The following TTC28 variants were observed in gnomAD, a reference collection of about 807,000 sequenced individuals.
The protein encoded by TTC28 is tetratricopeptide repeat protein 28.
A neutral mutation model predicts 198.0 loss-of-function variants in TTC28; 61 were observed. The observed-to-expected ratio is 0.31, with a 90% confidence interval of 0.25 to 0.38. The LOEUF (loss-of-function observed/expected upper bound fraction) is 0.38. TTC28 is among the 10% of genes least tolerant of loss of function. The probability of loss-of-function intolerance (pLI) is 1.00; values close to 1 mark genes in which losing one functional copy is unlikely to be tolerated. For synonymous variants in TTC28, 1,171 were observed against 1,297.8 expected, an observed-to-expected ratio of 0.90 and a Z score of 2.10; for missense variants, 2,678 against 3,164.0, an observed-to-expected ratio of 0.85 and a Z score of 3.69.
intron 12 of TTC28, among the ~76,000 whole-genome samples, chr22:28,074,798 G>A (rs1176480416): frequency 1.3e-5 from 2 of 152,144 alleles, no homozygotes; most frequent in African/African-American, 4.8e-5. Context: ...CAAGAGCTCT[G>A]CTTTTAAAAA....
intron 12 of TTC28, among the ~76,000 whole-genome samples, chr22:28,056,675 G>T (rs924098701): frequency 6.6e-6 from 1 of 151,986 alleles, no homozygotes; most frequent in East Asian, 1.9e-4. Flanking sequence ...AAAATGAATT[G>T]CACAAATCTT....
At chr22:28,594,342 C>T (rs2146100692) in intron 2 of TTC28, among the ~76,000 whole-genome samples, 1 of 150,894 alleles carries the variant, frequency 6.6e-6, no homozygotes, top group South Asian at 2.1e-4. Context: ...GCCACTAACC[C>T]TAATTCTGTC....
chr22:28,557,813 C>T (rs1302021278), intron 2 of TTC28, among the ~76,000 whole-genome samples: 1 of 152,132 alleles, frequency 6.6e-6, no homozygotes, highest in South Asian at 2.1e-4. Context: ...TTTGCTTCTT[C>T]CAGGAACTAT....
intron 5 of TTC28, among the ~76,000 whole-genome samples, chr22:28,260,359 C>T (rs942065647): frequency 6.6e-6 from 1 of 152,078 alleles, no homozygotes; most frequent in Non-Finnish European, 1.5e-5. Context: ...TTTTAACCAT[C>T]TAGAAAAGAA....
chr22:28,585,882 T>C (rs2050307935), intron 2 of TTC28, among the ~76,000 whole-genome samples: 2 of 151,850 alleles, frequency 1.3e-5, no homozygotes, highest in Non-Finnish European at 2.9e-5. Context: ...ATGTAGATGA[T>C]GGATTGATGG....
At chr22:28,074,692 CATCA>C (rs1941109436) in intron 12 of TTC28, among the ~76,000 whole-genome samples, 2 of 152,174 alleles carry the variant, frequency 1.3e-5, no homozygotes, top group South Asian at 4.1e-4. Flanking sequence ...TTTTTCCCCA[CATCA>C]ATGTGGTCTG....
intron 2 of TTC28, among the ~76,000 whole-genome samples, chr22:28,478,328 C>T (rs970051139): frequency 7.2e-5 from 11 of 152,012 alleles, no homozygotes; most frequent in Admixed American, 2.6e-4. Flanking sequence ...GCCAACACGG[C>T]GAAACCCCAC....
intron 5 of TTC28, among the ~76,000 whole-genome samples, chr22:28,214,932 C>T (rs533711142): frequency 1.3e-5 from 2 of 152,286 alleles, no homozygotes; most frequent in East Asian, 3.9e-4. Flanking sequence ...CACATATATA[C>T]CATGGAATAC....
chr22:28,359,502 T>C (rs1404979207), intron 2 of TTC28, among the ~76,000 whole-genome samples: 1 of 152,214 alleles, frequency 6.6e-6, no homozygotes, highest in Non-Finnish European at 1.5e-5. Flanking sequence ...ACATATTTTA[T>C]TGAAGTTAGA....
In TTC28 at chr22:28,296,343, GAAAAAAAAAAA is replaced by G; in HGVS notation, c.803-26_803-16del. The G allele has an allele frequency of 8.7e-7, 1 of 1,145,694 alleles. No homozygotes were observed. The highest frequency in any genetic ancestry group is 1.2e-6 in the Non-Finnish European group (1 of 869,180). 71.0% of individuals were successfully genotyped at this position (1,145,694 alleles called of 1,614,324 possible). A position where few individuals can be genotyped will look rare whatever the true frequency, so the allele number is the denominator to read the frequency against. ...TGTCTGGTCACCTGGATTGAATTGA[GAAAAAAAAAAA>G]GAAAAAATTTCTCTAAGTTATAATG... On this transcript the variant is annotated splice_polypyrimidine_tract_variant and intron_variant, in intron 4 of 22. Transcript: ENST00000397906.
At chr22:28,118,607 CTA>C (rs1194547633) in intron 6 of TTC28, among the ~76,000 whole-genome samples, 1 of 152,104 alleles carries the variant, frequency 6.6e-6, no homozygotes, top group Non-Finnish European at 1.5e-5. Context: ...GAGCAGTCAG[CTA>C]TATACCACGT....
At position 28,411,268 on chromosome 22, in the gene TTC28, GAAA is replaced by G. The variant is rs1347517551; in HGVS notation, c.382-104628_382-104626del. ...AGTCCAGCTTTCAGAGTGAATAACA[GAAA>G]CACTTGGAGATCCTAGCTATCTGAT... On this transcript the variant is annotated intron_variant, in intron 2 of 22. Transcript: ENST00000397906. Among the ~76,000 whole-genome samples, 3 of 152,264 alleles carry G rather than the reference GAAA, an allele frequency of 2.0e-5. No individual in the cohort carries two copies. The East Asian group carries it at 5.8e-4, about 29-fold the overall frequency.
intron 9 of TTC28, among the ~76,000 whole-genome samples, chr22:28,099,579 G>GCAT (rs1165217749): frequency 6.6e-6 from 1 of 152,114 alleles, no homozygotes; most frequent in Non-Finnish European, 1.5e-5. Context: ...ACCTAAAAAG[G>GCAT]CATCAGATCA....
intron 21 of TTC28, among the ~76,000 whole-genome samples, chr22:27,989,558 G>C (rs1330454446): frequency 2.0e-5 from 3 of 152,026 alleles, no homozygotes; most frequent in African/African-American, 7.2e-5. Context: ...GAGATCCTCT[G>C]CCTCAGTCCT....
chr22:28,587,342 C>G (rs2050336711), intron 2 of TTC28, among the ~76,000 whole-genome samples: 4 of 152,134 alleles, frequency 2.6e-5, no homozygotes. Flanking sequence ...TGCACTCCAA[C>G]CTGGGTGTGA....
chr22:28,592,225 C>T (rs2050447362), intron 2 of TTC28, among the ~76,000 whole-genome samples: 1 of 152,052 alleles, frequency 6.6e-6, no homozygotes, highest in African/African-American at 2.4e-5. Flanking sequence ...GTGGTGAGCA[C>T]CTGTGGTCCC....
intron 2 of TTC28, among the ~76,000 whole-genome samples, chr22:28,617,669 T>C (rs763799248): frequency 2.0e-5 from 3 of 152,170 alleles, no homozygotes; most frequent in Non-Finnish European, 4.4e-5. Flanking sequence ...AATGGGAGAA[T>C]AACAAATGCA....
chr22:28,536,449 C>T (rs1355015513), intron 2 of TTC28, among the ~76,000 whole-genome samples: 2 of 151,222 alleles, frequency 1.3e-5, no homozygotes, highest in Non-Finnish European at 1.5e-5. Context: ...ACGGTGAAAC[C>T]CCGTCTCTAC....
chr22:28,283,234 C>A (rs919059456), intron 5 of TTC28, among the ~76,000 whole-genome samples: 11 of 152,062 alleles, frequency 7.2e-5, no homozygotes, highest in African/African-American at 2.7e-4. Flanking sequence ...GGATTTGTTT[C>A]TCTGCTAAAA....
Sources: gnomAD v4.1 joint callset for allele counts (sites outside exome capture counted in the v4.1 genomes callset) on GRCh38, gnomAD v4.1.1 for gene constraint, MANE v1.5 for transcripts, NCBI Gene and HGNC (gene_info 2026-07-23, HGNC 2026-07-21) for gene names.